The following HPSE2 variants were observed in gnomAD, a reference collection of about 807,000 sequenced individuals.
HPSE2 encodes the protein heparanase 2 (inactive), also known as inactive heparanase-2.
A neutral mutation model predicts 60.5 loss-of-function variants in HPSE2; 38 were observed. The observed-to-expected ratio is 0.63, with a 90% CI of 0.48 to 0.82. HPSE2 has a LOEUF of 0.82. Ranked by LOEUF, HPSE2 falls within the 40% of genes least tolerant of loss-of-function variation. HPSE2 has a pLI of 0.00. For missense variants in HPSE2, 713 were observed against 740.4 expected (o/e 0.96, Z 0.43); for synonymous variants, 295 against 293.2 (o/e 1.01, Z -0.06).
At chr10:99,147,118 A>T (rs1589729427) in intron 2 of HPSE2, among the ~76,000 whole-genome samples, 1 of 152,234 alleles carries the variant, frequency 6.6e-6, no homozygotes, top group Non-Finnish European at 1.5e-5. Context: ...TATCTTAAAT[A>T]CGACGAAACT....
At chr10:98,972,845 G>A (rs936535156) in intron 3 of HPSE2, among the ~76,000 whole-genome samples, 1 of 152,144 alleles carries the variant, frequency 6.6e-6, no homozygotes, top group Admixed American at 6.5e-5. Context: ...CAGAAATGTA[G>A]TCTCACGTTA....
chr10:98,781,287 C>CTTTTT (rs1247238028), intron 3 of HPSE2, among the ~76,000 whole-genome samples: 151 of 132,520 alleles, frequency 1.1e-3, no homozygotes, highest in African/African-American at 2.8e-3. Flanking sequence ...ATATCCACTT[C>CTTTTT]TTTTTTTTTT....
chr10:98,632,946 C>T (rs988166687), intron 7 of HPSE2, among the ~76,000 whole-genome samples: 1 of 152,028 alleles, frequency 6.6e-6, no homozygotes, highest in Non-Finnish European at 1.5e-5. Flanking sequence ...TGTGCAAGTT[C>T]ACTTATACAT....
chr10:98,799,956 A>T (rs1950867970), intron 3 of HPSE2, among the ~76,000 whole-genome samples: 1 of 152,210 alleles, frequency 6.6e-6, no homozygotes, highest in African/African-American at 2.4e-5. Flanking sequence ...AATGAATTTG[A>T]AATGAGGAAA....
intron 2 of HPSE2, among the ~76,000 whole-genome samples, chr10:99,187,528 TAA>T (rs2133851636): frequency 6.6e-6 from 1 of 152,180 alleles, no homozygotes; most frequent in South Asian, 2.1e-4. Context: ...TCTGAATATA[TAA>T]AAACACAGTT....
chr10:99,239,588 C>A (rs564336695), upstream of HPSE2, among the ~76,000 whole-genome samples: 35 of 151,882 alleles, frequency 2.3e-4, no homozygotes, highest in African/African-American at 8.2e-4. Context: ...CATCGCCACG[C>A]GCAGCTAATT....
chr10:99,094,541 T>TATATATATATATA (rs1491238747), intron 3 of HPSE2, among the ~76,000 whole-genome samples: 14 of 13,668 alleles, frequency 1.0e-3, no homozygotes, highest in East Asian at 2.4e-3. Context: ...TATATATATA[T>TATATATATATATA]TTTTTTTTTT....
chr10:99,088,994 T>C (rs1393291856), intron 3 of HPSE2, among the ~76,000 whole-genome samples: 2 of 152,238 alleles, frequency 1.3e-5, no homozygotes, highest in Non-Finnish European at 2.9e-5. Flanking sequence ...GAATTGCTTA[T>C]TCATGTCCTT....
intron 3 of HPSE2, among the ~76,000 whole-genome samples, chr10:99,056,232 AACT>A (rs145598138): frequency 0.051 from 7,823 of 152,092 alleles, 301 homozygotes; most frequent in African/African-American, 0.097. Context: ...TTTAAAAAAA[AACT>A]ACAACTTAAC....
At chr10:98,816,707 T>C (rs896187661) in intron 3 of HPSE2, among the ~76,000 whole-genome samples, 1 of 152,144 alleles carries the variant, frequency 6.6e-6, no homozygotes, top group Non-Finnish European at 1.5e-5. Context: ...GCCAATGAAC[T>C]GCCTCCATAA....
At chr10:98,605,831 G>A (rs1322328342) in intron 9 of HPSE2, among the ~76,000 whole-genome samples, 2 of 152,310 alleles carry the variant, frequency 1.3e-5, no homozygotes, top group South Asian at 2.1e-4. Flanking sequence ...TAGGGACACT[G>A]TGTGACCTCT....
chr10:98,641,183 T>C (rs1946628359), intron 7 of HPSE2, among the ~76,000 whole-genome samples: 1 of 152,164 alleles, frequency 6.6e-6, no homozygotes, highest in Non-Finnish European at 1.5e-5. Flanking sequence ...ATTTTCTCCT[T>C]AAAGTAACCT....
chr10:98,887,983 T>G (rs1953216483), intron 3 of HPSE2, among the ~76,000 whole-genome samples: 1 of 151,750 alleles, frequency 6.6e-6, no homozygotes, highest in Non-Finnish European at 1.5e-5. Flanking sequence ...GACCTACTAT[T>G]AATATTTGAT....
At chr10:99,202,525 G>A (rs771570524) in intron 2 of HPSE2, among the ~76,000 whole-genome samples, 2 of 152,116 alleles carry the variant, frequency 1.3e-5, no homozygotes, top group Non-Finnish European at 2.9e-5. Flanking sequence ...CTGAACTTCA[G>A]TTTCCTCATC....
At chr10:98,804,125 T>C (rs951629302) in intron 3 of HPSE2, among the ~76,000 whole-genome samples, 5 of 152,200 alleles carry the variant, frequency 3.3e-5, no homozygotes, top group African/African-American at 1.2e-4. Context: ...CCTCTGTTTA[T>C]CTGTTATTAG....
intron 9 of HPSE2, among the ~76,000 whole-genome samples, chr10:98,591,522 G>A (rs1945090474): frequency 6.6e-6 from 1 of 152,018 alleles, no homozygotes; most frequent in Non-Finnish European, 1.5e-5. Context: ...AATTAGCCAG[G>A]CGTGGTAGTG....
intron 9 of HPSE2, among the ~76,000 whole-genome samples, chr10:98,564,576 T>C (rs535182): frequency 0.85 from 129,317 of 152,186 alleles, 56,205 homozygotes; most frequent in East Asian, 1. Context: ...TACTCATCCA[T>C]ATCCACTAGT....
intron 9 of HPSE2, among the ~76,000 whole-genome samples, chr10:98,599,084 G>A (rs1945326496): frequency 6.6e-6 from 1 of 152,090 alleles, no homozygotes; most frequent in Non-Finnish European, 1.5e-5. Flanking sequence ...TACTGAGAAT[G>A]GCCTAAACCT....
At chr10:98,578,795 C>T (rs1944710757) in intron 9 of HPSE2, among the ~76,000 whole-genome samples, 1 of 152,106 alleles carries the variant, frequency 6.6e-6, no homozygotes, top group African/African-American at 2.4e-5. Context: ...ATCCTATGCT[C>T]CTCCATTTCC....
Sources: gnomAD v4.1 joint callset for allele counts (sites outside exome capture counted in the v4.1 genomes callset) on GRCh38, gnomAD v4.1.1 for gene constraint, MANE v1.5 for transcripts, NCBI Gene and HGNC (gene_info 2026-07-23, HGNC 2026-07-21) for gene names.